The following PLCB4 variants were observed in gnomAD, a reference collection of about 807,000 sequenced individuals.
PLCB4 encodes phospholipase C beta 4.
PLCB4 carries 77 observed loss-of-function variants against 178.8 expected under a neutral mutation model. The observed-to-expected ratio is 0.43, with a 90% CI of 0.36 to 0.52. The LOEUF (loss-of-function observed/expected upper bound fraction) is 0.52. Among genes scored for constraint, PLCB4 ranks in the 20% least tolerant of loss-of-function variants. The pLI, the probability that PLCB4 is intolerant of heterozygous loss-of-function variation, is 0.00. For synonymous variants in PLCB4, 496 were observed against 490.8 expected, an observed-to-expected ratio of 1.01 and a Z score of -0.14; for missense variants, 1,024 against 1,453.4, an observed-to-expected ratio of 0.70 and a Z score of 4.80.
At chr20:9,410,685 G>A (rs1441051269) in intron 24 of PLCB4, among the ~76,000 whole-genome samples, 2 of 151,990 alleles carry the variant, frequency 1.3e-5, no homozygotes, top group Non-Finnish European at 2.9e-5. Context: ...GTATCTCCAG[G>A]GTTCCTCTGC....
chr20:9,365,440 G>A, intron 8 of PLCB4, 21 bp from the exon 9 acceptor site: 1 of 1,555,454 alleles, frequency 6.4e-7, no homozygotes, highest in Middle Eastern at 1.7e-4. Context: ...TTAAGGCAAT[G>A]TTATTGCTAT....
intron 32 of PLCB4, among the ~76,000 whole-genome samples, chr20:9,451,643 A>G (rs2042778360): frequency 6.6e-6 from 1 of 152,194 alleles, no homozygotes; most frequent in African/African-American, 2.4e-5. Context: ...TGGAGGAAAC[A>G]TTTATTGATT....
At chr20:9,264,546 T>C (rs1435656420) in intron 3 of PLCB4, among the ~76,000 whole-genome samples, 3 of 152,144 alleles carry the variant, frequency 2.0e-5, no homozygotes, top group Admixed American at 1.3e-4. Flanking sequence ...GGAGTAGAAA[T>C]GTATAGTTTC....
intron 34 of PLCB4, among the ~76,000 whole-genome samples, chr20:9,459,313 C>G (rs2122433932): frequency 6.6e-6 from 1 of 152,252 alleles, no homozygotes; most frequent in African/African-American, 2.4e-5. Context: ...CACTGCACTC[C>G]AGCCTGGGCA....
chr20:9,234,409 G>C (rs577175589), intron 3 of PLCB4, among the ~76,000 whole-genome samples: 2 of 152,144 alleles, frequency 1.3e-5, no homozygotes, highest in East Asian at 3.9e-4. Context: ...CCTAGGAAGA[G>C]AAAATACATA....
At chr20:9,141,026 G>A (rs1160326297) in intron 2 of PLCB4, among the ~76,000 whole-genome samples, 2 of 152,160 alleles carry the variant, frequency 1.3e-5, no homozygotes, top group African/African-American at 2.4e-5. Context: ...ATGTGAATCA[G>A]TGAAGTCCTA....
chr20:9,144,181 GT>G (rs1486504620), intron 2 of PLCB4, among the ~76,000 whole-genome samples: 1 of 152,068 alleles, frequency 6.6e-6, no homozygotes, highest in Non-Finnish European at 1.5e-5. Context: ...AGTTTAGTAA[GT>G]TTCTGAAGGA....
chr20:9,410,079 A>C (rs1039428492), intron 24 of PLCB4, among the ~76,000 whole-genome samples: 1 of 152,190 alleles, frequency 6.6e-6, no homozygotes, highest in Non-Finnish European at 1.5e-5. Context: ...AATCCCTGTC[A>C]CTTCGTTCCC....
intron 13 of PLCB4, among the ~76,000 whole-genome samples, chr20:9,382,861 G>A (rs541418936): frequency 4.3e-4 from 66 of 152,238 alleles, no homozygotes; most frequent in African/African-American, 1.5e-3. Flanking sequence ...CATCTATCCT[G>A]GTGCCTCTAA....
chr20:9,154,949 T>TTCCC (rs1425482287), intron 2 of PLCB4, among the ~76,000 whole-genome samples: 1 of 142,378 alleles, frequency 7.0e-6, no homozygotes, highest in African/African-American at 2.6e-5. Context: ...CCTTCCTTCC[T>TTCCC]TCCTTCCTTC....
intron 3 of PLCB4, among the ~76,000 whole-genome samples, chr20:9,266,097 A>C (rs898277875): frequency 3.9e-5 from 6 of 152,248 alleles, no homozygotes; most frequent in Non-Finnish European, 8.8e-5. Context: ...AATGTTGGCA[A>C]GCAGCTTCAA....
At chr20:9,463,889 A>C (rs2043580961) in intron 35 of PLCB4, among the ~76,000 whole-genome samples, 1 of 152,026 alleles carries the variant, frequency 6.6e-6, no homozygotes, top group African/African-American at 2.4e-5. Flanking sequence ...AAGGTTAATA[A>C]GATATCCAGG....
chr20:9,168,607 C>T (rs1231187090), intron 2 of PLCB4, among the ~76,000 whole-genome samples: 2 of 152,208 alleles, frequency 1.3e-5, no homozygotes, highest in African/African-American at 2.4e-5. Context: ...GCTAATGCCA[C>T]CATTTCAGGG....
At chr20:9,219,777 T>C (rs547509561) in intron 3 of PLCB4, among the ~76,000 whole-genome samples, 1 of 152,334 alleles carries the variant, frequency 6.6e-6, no homozygotes, top group East Asian at 1.9e-4. Context: ...TATCTTCCCA[T>C]ACTCAAAATT....
intron 4 of PLCB4, among the ~76,000 whole-genome samples, chr20:9,325,479 C>T (rs1167247646): frequency 1.3e-5 from 2 of 152,134 alleles, no homozygotes; most frequent in Admixed American, 1.3e-4. Flanking sequence ...AATTTCTTCA[C>T]CTCTTTTCTG....
chr20:9,120,238 A>T (rs1164541559), intron 2 of PLCB4, among the ~76,000 whole-genome samples: 7 of 152,178 alleles, frequency 4.6e-5, no homozygotes, highest in African/African-American at 1.7e-4. Flanking sequence ...GATAATGAAG[A>T]TAGCCATGTC....
At chr20:9,351,354 CT>C (rs199702179) in intron 7 of PLCB4, among the ~76,000 whole-genome samples, 2 of 151,380 alleles carry the variant, frequency 1.3e-5, no homozygotes, top group East Asian at 1.9e-4. Flanking sequence ...GTTTCCTAAA[CT>C]TTTTTTTTAA....
At chr20:9,289,333 C>T (rs901652286) in intron 3 of PLCB4, among the ~76,000 whole-genome samples, 7 of 151,932 alleles carry the variant, frequency 4.6e-5, no homozygotes, top group Admixed American at 2.0e-4. Flanking sequence ...TTTTCTCTAT[C>T]ATATTTGGAA....
chr20:9,324,174 C>CAAA (rs112627020), intron 4 of PLCB4, among the ~76,000 whole-genome samples: 6,357 of 135,078 alleles, frequency 0.047, 372 homozygotes, highest in African/African-American at 0.14. Context: ...GGTCCTGTCT[C>CAAA]AAAAAAAAAA....
Sources: allele counts gnomAD v4.1 joint callset (sites outside exome capture counted in the v4.1 genomes callset), GRCh38; gene constraint gnomAD v4.1.1; transcripts MANE v1.5; gene names NCBI Gene and HGNC (gene_info 2026-07-23, HGNC 2026-07-21).